EPB41L2: variants seen among roughly 807,000 people sequenced by gnomAD.
EPB41L2 encodes erythrocyte membrane protein band 4.1 like 2.
In EPB41L2, 43 loss-of-function variants were observed where a neutral mutation model predicts 113.0. That is an observed-to-expected ratio of 0.38 (90% confidence interval 0.30 to 0.49). EPB41L2 has a LOEUF of 0.49. Among genes scored for constraint, EPB41L2 ranks in the 20% least tolerant of loss-of-function variants. The pLI, the probability that EPB41L2 is intolerant of heterozygous loss-of-function variation, is 0.95. For synonymous variants in EPB41L2, 442 were observed against 436.7 expected (o/e 1.01, Z -0.15); for missense variants, 1,147 against 1,223.4 (o/e 0.94, Z 0.93).
chr6:130,945,169 A>G (rs904901701), intron 3 of EPB41L2, among the ~76,000 whole-genome samples: 4 of 152,196 alleles, frequency 2.6e-5, no homozygotes, highest in African/African-American at 9.7e-5. Flanking sequence ...TCCTCTACAA[A>G]TATGTAGATA....
intron 17 of EPB41L2, among the ~76,000 whole-genome samples, chr6:130,865,092 G>A (rs1042965244): frequency 6.6e-6 from 1 of 152,174 alleles, no homozygotes; most frequent in African/African-American, 2.4e-5. Flanking sequence ...TATGCAGGGA[G>A]GAACAGGGGA....
At chr6:130,998,994 T>C (rs1417100208) in intron 1 of EPB41L2, among the ~76,000 whole-genome samples, 3 of 152,144 alleles carry the variant, frequency 2.0e-5, no homozygotes, top group Non-Finnish European at 4.4e-5. Flanking sequence ...GGATGAAAGC[T>C]ATCATTCTGG....
intron 4 of EPB41L2, among the ~76,000 whole-genome samples, chr6:130,911,705 C>T (rs921595069): frequency 3.9e-5 from 6 of 152,052 alleles, no homozygotes; most frequent in South Asian, 2.1e-4. Flanking sequence ...TTTTGTTTTT[C>T]GAAGCTACAA....
At chr6:131,059,178 A>T (rs1020962836) in intron 1 of EPB41L2, among the ~76,000 whole-genome samples, 2 of 139,102 alleles carry the variant, frequency 1.4e-5, no homozygotes, top group East Asian at 2.1e-4. Flanking sequence ...GCAGTGGCGC[A>T]ATCTCCGCTC....
At chr6:130,943,771 AGAG>A (rs752867707) in intron 3 of EPB41L2, among the ~76,000 whole-genome samples, 4 of 152,206 alleles carry the variant, frequency 2.6e-5, no homozygotes, top group Non-Finnish European at 2.9e-5. Context: ...AGTTTCCTCA[AGAG>A]AAGAGGAGGC....
chr6:130,962,448 T>C (rs2128635391), intron 1 of EPB41L2, among the ~76,000 whole-genome samples: 1 of 152,316 alleles, frequency 6.6e-6, no homozygotes, highest in East Asian at 1.9e-4. Context: ...CCATACTTCA[T>C]ATTCAAGTAA....
At chr6:131,020,744 G>GGCTCTTCA (rs1789266082) in intron 1 of EPB41L2, among the ~76,000 whole-genome samples, 1 of 152,112 alleles carries the variant, frequency 6.6e-6, no homozygotes, top group Non-Finnish European at 1.5e-5. Flanking sequence ...ATGAGTCTTC[G>GGCTCTTCA]GCTCTTCAGC....
At chr6:130,915,281 C>T (rs1175601688) in intron 4 of EPB41L2, among the ~76,000 whole-genome samples, 5 of 151,900 alleles carry the variant, frequency 3.3e-5, no homozygotes, top group Non-Finnish European at 5.9e-5. Flanking sequence ...CCAGCCTGGG[C>T]GACAGAGCGA....
At chr6:130,930,999 AAGAT>A (rs1806633052) in intron 3 of EPB41L2, among the ~76,000 whole-genome samples, 1 of 152,154 alleles carries the variant, frequency 6.6e-6, no homozygotes. Flanking sequence ...AGTGAACTGG[AAGAT>A]AGATCTGAAA....
At chr6:131,026,347 C>T (rs1790862950) in intron 1 of EPB41L2, among the ~76,000 whole-genome samples, 1 of 152,224 alleles carries the variant, frequency 6.6e-6, no homozygotes, top group Admixed American at 6.5e-5. Flanking sequence ...AAGCAGAACA[C>T]ACACAGTAGA....
At chr6:130,957,983 A>C (rs552286129) in intron 1 of EPB41L2, among the ~76,000 whole-genome samples, 19 of 152,246 alleles carry the variant, frequency 1.2e-4, no homozygotes, top group Non-Finnish European at 2.4e-4. Context: ...AATAACTTAA[A>C]AATGTTTTTC....
chr6:130,891,798 T>C (rs75115589), intron 10 of EPB41L2, among the ~76,000 whole-genome samples: 2,634 of 152,282 alleles, frequency 0.017, 87 homozygotes, highest in African/African-American at 0.059. Context: ...ATCTAGCTGA[T>C]TGGCTATCAA....
chr6:130,903,052 A>T, intron 6 of EPB41L2, among the ~76,000 whole-genome samples: 1 of 152,172 alleles, frequency 6.6e-6, no homozygotes, highest in East Asian at 1.9e-4. Flanking sequence ...TGAGCAGACT[A>T]TATTGTTCCT....
At chr6:131,024,024 C>G (rs528230986) in intron 1 of EPB41L2, among the ~76,000 whole-genome samples, 2 of 152,162 alleles carry the variant, frequency 1.3e-5, no homozygotes, top group South Asian at 4.2e-4. Flanking sequence ...CAAAGCCCTG[C>G]AGTCACTGTG....
rs1790539684 is a variant in EPB41L2 at position 130,885,198 on chromosome 6, A to G, written c.1731T>C (p.Tyr577=). The change falls in exon 12 of 20, where the codon TAT becomes TAC. Residue 577 remains tyrosine, a synonymous_variant. Transcript: ENST00000337057. ...FPGAAGEISA[Y]GPGLVSIAVV... ...CGGCAATGCTGACAAGTCCAGGTCCATAGGCTGAAATCTCCCCAGCAGCGC... is the reference window on the plus strand; with the variant it reads ...CGGCAATGCTGACAAGTCCAGGTCCGTAGGCTGAAATCTCCCCAGCAGCGC... 7 of 1,614,060 alleles carry G rather than the reference A, an allele frequency of 4.3e-6. No individual in the cohort carries two copies. The highest frequency in any genetic ancestry group is 5.9e-6 in the Non-Finnish European group (7 of 1,180,030).
chr6:130,927,245 G>A (rs777602907), intron 3 of EPB41L2, among the ~76,000 whole-genome samples: 17 of 151,944 alleles, frequency 1.1e-4, no homozygotes, highest in African/African-American at 1.9e-4. Context: ...TATGGTGTTC[G>A]CTCCTTGGGA....
At chr6:130,985,421 C>T (rs1462087363) in intron 1 of EPB41L2, among the ~76,000 whole-genome samples, 2 of 152,164 alleles carry the variant, frequency 1.3e-5, no homozygotes, top group Admixed American at 6.5e-5. Context: ...GCACCTCATT[C>T]TTCTTGGGTG....
At chr6:131,055,888 C>T (rs759289003) in intron 1 of EPB41L2, among the ~76,000 whole-genome samples, 3 of 151,986 alleles carry the variant, frequency 2.0e-5, no homozygotes, top group East Asian at 1.9e-4. Context: ...ATCAAAGCTT[C>T]AGGCCTTACA....
intron 1 of EPB41L2, among the ~76,000 whole-genome samples, chr6:131,032,569 C>T (rs531147525): frequency 6.6e-6 from 1 of 152,262 alleles, no homozygotes; most frequent in South Asian, 2.1e-4. Context: ...CGTATGCTCA[C>T]TTGCTAGGTT....
Sources: gnomAD v4.1 joint callset for allele counts (sites outside exome capture counted in the v4.1 genomes callset) on GRCh38, gnomAD v4.1.1 for gene constraint, MANE v1.5 for transcripts, NCBI Gene and HGNC (gene_info 2026-07-23, HGNC 2026-07-21) for gene names.